The following MEF2A variants were observed in gnomAD, a reference collection of about 807,000 sequenced individuals.
The protein encoded by MEF2A is myocyte-specific enhancer factor 2A.
MEF2A carries 28 observed loss-of-function variants against 55.8 expected under a neutral mutation model. The ratio of observed to expected loss-of-function variants is 0.50; its 90% confidence interval spans 0.37 to 0.69. The LOEUF is 0.69. MEF2A is among the 30% of genes least tolerant of loss of function. The pLI is 0.00. For missense variants in MEF2A, 528 were observed against 626.2 expected (o/e 0.84, Z 1.67); for synonymous variants, 239 against 227.1 (o/e 1.05, Z -0.47).
chr15:99,629,151 C>G (rs1357907436), intron 2 of MEF2A, among the ~76,000 whole-genome samples: 1 of 152,150 alleles, frequency 6.6e-6, no homozygotes, highest in Non-Finnish European at 1.5e-5. Flanking sequence ...ATCTCTCTGG[C>G]TGGCTGAACG....
chr15:99,619,126 T>G (rs2570932), intron 2 of MEF2A, among the ~76,000 whole-genome samples: 136,351 of 152,154 alleles, frequency 0.9, 63,029 homozygotes, highest in East Asian at 1. Flanking sequence ...TCTTTATGTC[T>G]CTAGGGTTTA....
intron 8 of MEF2A, among the ~76,000 whole-genome samples, chr15:99,696,599 T>TTCA (rs2056516556): frequency 6.6e-6 from 1 of 151,824 alleles, no homozygotes; most frequent in South Asian, 2.1e-4. Flanking sequence ...ACTAGAGTAG[T>TTCA]GATGAGGTGA....
At chr15:99,606,618 GA>G (rs1047226279) in intron 2 of MEF2A, among the ~76,000 whole-genome samples, 1 of 151,604 alleles carries the variant, frequency 6.6e-6, no homozygotes, top group African/African-American at 2.4e-5. Context: ...AAGAAACGTG[GA>G]AAAAAAAGTG....
intron 1 of MEF2A, among the ~76,000 whole-genome samples, chr15:99,589,724 A>G (rs1968605554): frequency 6.6e-6 from 1 of 152,050 alleles, no homozygotes; most frequent in South Asian, 2.1e-4. Flanking sequence ...AAAATTTTAA[A>G]TGATTTATTT....
intron 4 of MEF2A, among the ~76,000 whole-genome samples, chr15:99,647,723 T>C (rs2046201894): frequency 6.6e-6 from 1 of 152,198 alleles, no homozygotes. Flanking sequence ...TGATGTTTTC[T>C]TTTTAATTGC....
intron 2 of MEF2A, among the ~76,000 whole-genome samples, chr15:99,624,207 TTTG>T (rs373519200): frequency 2.0e-5 from 3 of 152,206 alleles, no homozygotes; most frequent in Admixed American, 6.5e-5. Context: ...TGTAGTTTTT[TTTG>T]TTGTTGTTGT....
intron 3 of MEF2A, among the ~76,000 whole-genome samples, chr15:99,636,520 A>G (rs575280099): frequency 1.9e-4 from 29 of 151,846 alleles, no homozygotes; most frequent in African/African-American, 5.6e-4. Context: ...CCATTCTTTT[A>G]TTTTTTTGTA....
At chr15:99,622,161 G>A (rs558280487) in intron 2 of MEF2A, among the ~76,000 whole-genome samples, 1 of 152,244 alleles carries the variant, frequency 6.6e-6, no homozygotes, top group South Asian at 2.1e-4. Flanking sequence ...TATTGGGAAT[G>A]TTTTTAAAAA....
At chr15:99,610,438 A>G (rs1976822645) in intron 2 of MEF2A, among the ~76,000 whole-genome samples, 1 of 17,874 alleles carries the variant, frequency 5.6e-5, no homozygotes, top group Non-Finnish European at 1.2e-4. Flanking sequence ...CCCCCCCCCG[A>G]AATTGACAAA....
At chr15:99,576,532 TATA>T (rs1001063078) in intron 1 of MEF2A, among the ~76,000 whole-genome samples, 4 of 152,178 alleles carry the variant, frequency 2.6e-5, no homozygotes, top group African/African-American at 7.2e-5. Context: ...CTGTATTTGT[TATA>T]ATATTTTAGT....
chr15:99,703,476 G>T, intron 9 of MEF2A, 91 bp downstream of exon 9: 1 of 1,324,618 alleles, frequency 7.5e-7, no homozygotes, highest in Non-Finnish European at 1.0e-6. Flanking sequence ...TGTTCCCTTT[G>T]TTACACAAAT....
At chr15:99,705,654 TGTAA>T (rs1240159060) in intron 9 of MEF2A, among the ~76,000 whole-genome samples, 3 of 152,198 alleles carry the variant, frequency 2.0e-5, no homozygotes, top group Admixed American at 6.5e-5. Context: ...ATCGAATGTT[TGTAA>T]GTGTCTACAT....
At chr15:99,691,446 C>T (rs761243090) in intron 8 of MEF2A, among the ~76,000 whole-genome samples, 1 of 152,004 alleles carries the variant, frequency 6.6e-6, no homozygotes, top group East Asian at 1.9e-4. Context: ...ACCTGTAATC[C>T]CAGCACTTTG....
At chr15:99,677,574 A>C (rs2052380149) in intron 7 of MEF2A, among the ~76,000 whole-genome samples, 1 of 152,190 alleles carries the variant, frequency 6.6e-6, no homozygotes, top group Non-Finnish European at 1.5e-5. Context: ...GACCCAGAGC[A>C]TGCAATAAAA....
intron 4 of MEF2A, among the ~76,000 whole-genome samples, chr15:99,646,588 T>G (rs554526143): frequency 6.6e-6 from 1 of 152,212 alleles, no homozygotes; most frequent in South Asian, 2.1e-4. Flanking sequence ...ATTTCTTTGG[T>G]GAAAGTACTG....
intron 2 of MEF2A, among the ~76,000 whole-genome samples, chr15:99,614,255 A>T (rs553251745): frequency 6.6e-6 from 1 of 152,330 alleles, no homozygotes; most frequent in Non-Finnish European, 1.5e-5. Context: ...TTCAGTGAAG[A>T]ATAACTTCTT....
At chr15:99,682,665 A>G (rs1043295958) in intron 7 of MEF2A, among the ~76,000 whole-genome samples, 6 of 151,994 alleles carry the variant, frequency 3.9e-5, no homozygotes, top group African/African-American at 1.4e-4. Flanking sequence ...TCTGCTACTG[A>G]CTCCTGACTT....
intron 7 of MEF2A, 108 bp downstream of exon 7, chr15:99,675,566 C>CT (rs1266884305): frequency 1.1e-6 from 1 of 885,392 alleles, no homozygotes; most frequent in Admixed American, 2.2e-5. Flanking sequence ...CTGAAGGGTA[C>CT]TTTCACTAAT....
chr15:99,575,649 G>T (rs982960239), intron 1 of MEF2A, among the ~76,000 whole-genome samples: 15 of 152,188 alleles, frequency 9.9e-5, no homozygotes, highest in Admixed American at 3.9e-4. Context: ...GACACTTGGA[G>T]ACTGAAAATT....
Sources: allele counts gnomAD v4.1 joint callset (sites outside exome capture counted in the v4.1 genomes callset), GRCh38; gene constraint gnomAD v4.1.1; transcripts MANE v1.5; gene names NCBI Gene and HGNC (gene_info 2026-07-23, HGNC 2026-07-21).